ZNF205: variants seen among roughly 807,000 people sequenced by gnomAD.
The protein encoded by ZNF205 is zinc finger protein 205.
Under a neutral mutation model 53.6 loss-of-function variants are expected in ZNF205, and 32 were observed. The ratio of observed to expected loss-of-function variants is 0.60; its 90% CI spans 0.45 to 0.80. The LOEUF (loss-of-function observed/expected upper bound fraction) is 0.80. Among genes scored for constraint, ZNF205 ranks in the 30% least tolerant of loss-of-function variants. The pLI, the probability that ZNF205 is intolerant of heterozygous loss-of-function variation, is 0.00. For synonymous variants in ZNF205, 382 were observed against 334.3 expected (o/e 1.14, Z -1.56); for missense variants, 836 against 782.4 (o/e 1.07, Z -0.82).
chr16:3,113,757 T>G (rs954179967), intron 2 of ZNF205, among the ~76,000 whole-genome samples: 1 of 152,160 alleles, frequency 6.6e-6, no homozygotes, highest in Non-Finnish European at 1.5e-5. Flanking sequence ...TGAGCAGCGC[T>G]CAGAGCACAC....
chr16:3,119,770 G>C lies in ZNF205; in HGVS notation c.1110G>C (p.Arg370=), dbSNP rs775870323. The part of the protein sequence containing the change: ...GEKPYTCPAC[R]KSFSHHSTLI... ...AGCCCTACACCTGCCCCGCCTGCCG[G>C]AAGAGCTTCAGCCACCACTCCACGC... is the stretch of plus-strand genomic sequence containing the variant. Residue 370 remains arginine (R), a synonymous_variant, in exon 7 of 7, where the codon CGG becomes CGC. Transcript: ENST00000219091. 3 of 1,611,976 alleles carry C rather than the reference G, an allele frequency of 1.9e-6. No individual in the cohort carries two copies. In the East Asian group the frequency reaches 6.7e-5, roughly 36 times the overall value.
chr16:3,115,679 T>C, intron 3 of ZNF205, 111 bp downstream of exon 3: 1 of 1,386,496 alleles, frequency 7.2e-7, no homozygotes. Context: ...CAGGGGACGC[T>C]ATCCCCCCAT....
At position 3,115,484 on chromosome 16, in the gene ZNF205, C is replaced by T. The variant is rs1957330805; in HGVS notation, c.187C>T (p.Gln63Ter). The change falls in exon 3 of 7, where the codon CAG becomes TAG. Residue 63 changes from glutamine (Q) to a stop codon, truncating the protein, a stop_gained. Coordinates refer to ENST00000219091, the MANE Select transcript of ZNF205 (RefSeq NM_001042428.2). LOFTEE classifies it high-confidence loss of function. ...PEEPHSEGASQEDGAQGAWGW... is the reference protein window; with the variant it reads ...PEEPHSEGAS Reference sequence around the variant, plus strand: ...AGAGCCACACTCCGAGGGGGCATCGCAGGAGGATGGGGCTCAAGGTGCCTG... The same window carrying T: ...AGAGCCACACTCCGAGGGGGCATCGTAGGAGGATGGGGCTCAAGGTGCCTG... 1.9e-6 allele frequency: 3 copies of T among 1,609,660 alleles called. No individual in the cohort carries two copies. The highest frequency in any genetic ancestry group is 1.7e-6 in the Non-Finnish European group (2 of 1,178,146).
intron 2 of ZNF205, among the ~76,000 whole-genome samples, chr16:3,113,961 G>A (rs1179855930): frequency 6.6e-6 from 1 of 152,052 alleles, no homozygotes; most frequent in Non-Finnish European, 1.5e-5. Flanking sequence ...GGAGGAGTAT[G>A]AGTCAGCGAC....
chr16:3,113,417 C>T lies in ZNF205; in HGVS notation c.-14C>T, dbSNP rs762813140. 2.5e-6 allele frequency: 4 copies of T among 1,612,758 alleles called. No individual in the cohort carries two copies. ...GAAACAACTCAGCTGTTCTTTCTAG[C>T]TCTGAAATAGAAAATGTCTGCAGAC... On this transcript the variant is annotated splice_region_variant and 5_prime_UTR_variant, in exon 2 of 7. Transcript: ENST00000219091.
chr16:3,112,897 G>C (rs903873494), intron 1 of ZNF205: 1 of 198,304 alleles, frequency 5.0e-6, no homozygotes, highest in Non-Finnish European at 1.0e-5. Flanking sequence ...CTGCAGGGGG[G>C]CTGCTGAGAG....
chr16:3,116,301 A>T (rs574425989), intron 4 of ZNF205, 126 bp from the exon 5 acceptor site: 16 of 1,412,792 alleles, frequency 1.1e-5, no homozygotes, highest in Middle Eastern at 1.8e-4. Flanking sequence ...GATCAGATGG[A>T]AGTGGCAGGC....
At chr16:3,115,201 C>A in intron 2 of ZNF205, 154 bp from the exon 3 acceptor site, 1 of 558,526 alleles carries the variant, frequency 1.8e-6, no homozygotes, top group Non-Finnish European at 2.8e-6. Flanking sequence ...CTCTTGCCGC[C>A]CGTCCTTGCT....
chr16:3,119,096 C>T (rs571564086), intron 6 of ZNF205, 81 bp downstream of exon 6: 2 of 1,541,918 alleles, frequency 1.3e-6, no homozygotes, highest in African/African-American at 2.7e-5. Flanking sequence ...GGGAGTGGGG[C>T]AGGGCCACCA....
At chr16:3,113,192 T>C (rs1957292010) in intron 1 of ZNF205, among the ~76,000 whole-genome samples, 1 of 152,176 alleles carries the variant, frequency 6.6e-6, no homozygotes, top group African/African-American at 2.4e-5. Flanking sequence ...CTTTCAAAAA[T>C]AGGACCCAGA....
chr16:3,115,122 G>C (rs1957322358), intron 2 of ZNF205: 2 of 364,438 alleles, frequency 5.5e-6, no homozygotes, highest in Admixed American at 4.7e-5. Flanking sequence ...GGCTGGAGCT[G>C]AGAAGGGGTA....
intron 2 of ZNF205, among the ~76,000 whole-genome samples, chr16:3,114,178 C>T (rs1166750732): frequency 6.6e-6 from 1 of 152,160 alleles, no homozygotes; most frequent in Non-Finnish European, 1.5e-5. Context: ...TTCCCGTGTG[C>T]CTTGAACACC....
In ZNF205 at chr16:3,119,004, G is replaced by T. The variant is rs748330011; in HGVS notation, c.584G>T (p.Gly195Val). Residue 195 changes from glycine (G) to valine (V), a missense_variant, in exon 6 of 7, where the codon GGC becomes GTC. By Grantham distance (109) the Gly-to-Val change is moderately radical (BLOSUM62 -3). Coordinates refer to ENST00000219091, the MANE Select transcript of ZNF205 (RefSeq NM_001042428.2). ...RQAGDEKEWR[G>V]ACTGAVEVGQ... ...GCAGGAGATGAGAAGGAGTGGAGAG[G>T]CGCGTGCACAGGTGAGGGACGGGCG... 6.2e-7 allele frequency: 1 copy of T among 1,613,384 alleles called. No homozygotes were observed.
Position 3,115,486 on chromosome 16 carries a change from G to A in ZNF205, c.189G>A (p.Gln63=), listed in dbSNP as rs576175378. 2 of 1,609,568 alleles carry A rather than the reference G, an allele frequency of 1.2e-6. No individual in the cohort carries two copies. The highest frequency in any genetic ancestry group is 4.5e-5 in the East Asian group (2 of 44,496). The part of the protein sequence containing the change: ...PEEPHSEGAS[Q]EDGAQGAWGW... ...AGCCACACTCCGAGGGGGCATCGCA[G>A]GAGGATGGGGCTCAAGGTGCCTGGG... Residue 63 remains glutamine (Q), a synonymous_variant, in exon 3 of 7, where the codon CAG becomes CAA. Transcript: ENST00000219091.
At chr16:3,114,280 G>A (rs1274209844) in intron 2 of ZNF205, among the ~76,000 whole-genome samples, 2 of 152,128 alleles carry the variant, frequency 1.3e-5, no homozygotes, top group East Asian at 1.9e-4. Context: ...AATGACCAGC[G>A]CCACCCTGTG....
chr16:3,119,704 C>T lies in ZNF205; in HGVS notation c.1044C>T (p.Ser348=), dbSNP rs1030879187. ...CTDCGKRFGR[S]SHLIQHQIIH... ...ACTGCGGGAAGCGCTTCGGCCGCAG[C>T]TCGCACCTCATCCAGCACCAGATCA... Residue 348 remains serine, a synonymous_variant, in exon 7 of 7, where the codon AGC becomes AGT. Coordinates refer to ENST00000219091, the MANE Select transcript of ZNF205 (RefSeq NM_001042428.2). 2 of 1,613,494 alleles carry T rather than the reference C, an allele frequency of 1.2e-6. No individual in the cohort carries two copies. The highest frequency in any genetic ancestry group is 8.5e-7 in the Non-Finnish European group (1 of 1,179,874).
chr16:3,113,493 G>C lies in ZNF205; in HGVS notation c.57+6G>C, dbSNP rs1298690545. On this transcript the variant is annotated splice_donor_region_variant and intron_variant, in intron 2 of 6. Coordinates refer to ENST00000219091, the MANE Select transcript of ZNF205 (RefSeq NM_001042428.2). Reference sequence around the variant, plus strand: ...ACAAGGAGACACCCCCGGAGGTACAGATGGGGCTGGCTGAGGGAGGTGTGC... The same window carrying C: ...ACAAGGAGACACCCCCGGAGGTACACATGGGGCTGGCTGAGGGAGGTGTGC... 1.9e-6 allele frequency: 3 copies of C among 1,613,302 alleles called. No homozygotes were observed. Among genetic ancestry groups the C allele is most frequent in the African/African-American group, 2.7e-5 (2 of 75,008 alleles).
chr16:3,115,227 A>C, intron 2 of ZNF205, 128 bp from the exon 3 acceptor site: 1 of 695,994 alleles, frequency 1.4e-6, no homozygotes, highest in Non-Finnish European at 2.1e-6. Flanking sequence ...GAGCTGGATG[A>C]ATGCAGCAAG....
intron 5 of ZNF205, among the ~76,000 whole-genome samples, chr16:3,117,388 C>T (rs548984628): frequency 6.9e-5 from 10 of 144,568 alleles, no homozygotes; most frequent in African/African-American, 2.3e-4. Flanking sequence ...TGCTTGTCTC[C>T]GAGGGGTCTT....
Sources: allele counts gnomAD v4.1 joint callset (sites outside exome capture counted in the v4.1 genomes callset), GRCh38; gene constraint gnomAD v4.1.1; transcripts MANE v1.5; gene names NCBI Gene and HGNC (gene_info 2026-07-23, HGNC 2026-07-21).